Variants in MTSS1 observed in about 807,000 individuals in gnomAD.
MTSS1 encodes MTSS I-BAR domain containing 1, also known as protein MTSS 1.
MTSS1 carries 18 observed loss-of-function variants against 79.0 expected under a neutral mutation model. The observed-to-expected ratio is 0.23, with a 90% CI of 0.16 to 0.34. The LOEUF (loss-of-function observed/expected upper bound fraction) is 0.34. Ranked by LOEUF, MTSS1 falls within the 10% of genes least tolerant of loss-of-function variation. The probability of loss-of-function intolerance (pLI) is 1.00; values close to 1 mark genes in which losing one functional copy is unlikely to be tolerated. For synonymous variants in MTSS1, 341 were observed against 368.6 expected (o/e 0.93, Z 0.86); for missense variants, 815 against 986.2 (o/e 0.83, Z 2.33).
At chr8:124,654,172 A>T (rs1424745532) in intron 3 of MTSS1, among the ~76,000 whole-genome samples, 1 of 152,222 alleles carries the variant, frequency 6.6e-6, no homozygotes. Context: ...CCTCGACTCC[A>T]AAGAAAGGAG....
At chr8:124,558,022 G>A (rs1006970816) in intron 10 of MTSS1, 147 bp from the exon 11 acceptor site, 4 of 649,414 alleles carry the variant, frequency 6.2e-6, no homozygotes, top group East Asian at 2.8e-5. Flanking sequence ...TGCTGCTCAC[G>A]GATGATCTGT....
chr8:124,724,569 T>C (rs1833411593), intron 1 of MTSS1, among the ~76,000 whole-genome samples: 1 of 152,232 alleles, frequency 6.6e-6, no homozygotes. Context: ...AGAAAATATT[T>C]GATTTCAGAC....
chr8:124,608,767 T>C (rs1221879722), intron 3 of MTSS1, among the ~76,000 whole-genome samples: 1 of 152,198 alleles, frequency 6.6e-6, no homozygotes, highest in Non-Finnish European at 1.5e-5. Flanking sequence ...TGGAGGGTGC[T>C]GTGGGCAGCT....
intron 3 of MTSS1, among the ~76,000 whole-genome samples, chr8:124,620,188 C>T (rs904117966): frequency 2.0e-5 from 3 of 152,018 alleles, no homozygotes; most frequent in Middle Eastern, 3.2e-3. Flanking sequence ...TCAGGTGACC[C>T]GCCCGCCTCA....
rs757684249 is a variant in MTSS1 at position 124,557,704 on chromosome 8, A to G, written c.1207T>C (p.Ser403Pro). 22 of 1,587,198 alleles carry G rather than the reference A, an allele frequency of 1.4e-5. No homozygotes were observed. In the South Asian group the frequency reaches 2.3e-4, roughly 17 times the overall value. Residue 403 changes from serine to proline, a missense_variant, in exon 11 of 14, where the codon TCA (serine) becomes CCA (proline). This residue lies in a region of MTSS1 where 590 missense variants were observed against 620.8 expected (regional missense o/e 0.95). Coordinates refer to ENST00000518547, the MANE Select transcript of MTSS1 (RefSeq NM_014751.6). ...ACCTTCCAGCTAGGGATCTGAGATG[A>G]CGGGAACATGCCGGGCCCAATGGTG... ...YYTIGPGMFP[S>P]SQIPSWKDWA...
intron 3 of MTSS1, among the ~76,000 whole-genome samples, chr8:124,622,066 G>C (rs2382634): frequency 1.3e-5 from 1 of 79,048 alleles, no homozygotes; most frequent in South Asian, 3.5e-4. Flanking sequence ...GAGAAAGAGA[G>C]AGAGAGAGAG....
At chr8:124,675,702 C>T (rs1047457681) in intron 3 of MTSS1, among the ~76,000 whole-genome samples, 8 of 152,214 alleles carry the variant, frequency 5.3e-5, no homozygotes, top group African/African-American at 1.9e-4. Flanking sequence ...TGCTTCCTAT[C>T]TCTATGGATT....
rs575373211 is a variant in MTSS1, at chr8:124,716,643, A to AT, written c.72+11240dup. On this transcript the variant is annotated intron_variant, in intron 1 of 13. Transcript: ENST00000518547. ...CCTGGGATGGAGCCAGGGAATCTGC[A>AT]TTTTAACCCATTCTCCAGGGACACT... 3.3e-5 allele frequency among the ~76,000 whole-genome samples: 5 copies of AT among 152,324 alleles called. No individual in the cohort carries two copies. In the South Asian group the frequency reaches 1.0e-3, roughly 32 times the overall value.
In MTSS1 at chr8:124,688,699, C is replaced by T. The variant is rs114445584; in HGVS notation, c.208+10827G>A. Reference sequence around the variant, plus strand: ...AACAATCACCGGCTGAGAGACAGAACAGAGATTTTTTTCACAACCTATGCT... The same window carrying T: ...AACAATCACCGGCTGAGAGACAGAATAGAGATTTTTTTCACAACCTATGCT... On this transcript the variant is annotated intron_variant, in intron 3 of 13. Coordinates refer to ENST00000518547, the MANE Select transcript of MTSS1 (RefSeq NM_014751.6). Among the ~76,000 whole-genome samples the T allele has an allele frequency of 3.7e-3, 566 of 152,258 alleles. 1 individual carries two copies. The highest frequency in any genetic ancestry group is 0.013 in the African/African-American group (525 of 41,536).
intron 3 of MTSS1, chr8:124,699,251 C>T (rs1364013344): frequency 5.0e-6 from 2 of 398,766 alleles, no homozygotes; most frequent in Non-Finnish European, 9.0e-6. Flanking sequence ...ACAACCAGCA[C>T]GTCATTAAAG....
intron 13 of MTSS1, among the ~76,000 whole-genome samples, chr8:124,554,581 T>G (rs1026438641): frequency 3.9e-5 from 6 of 152,198 alleles, no homozygotes; most frequent in African/African-American, 1.4e-4. Flanking sequence ...CTTGCCTGAC[T>G]TGTGTGTGCA....
At chr8:124,711,609 G>A (rs374034676) in intron 1 of MTSS1, among the ~76,000 whole-genome samples, 1 of 152,144 alleles carries the variant, frequency 6.6e-6, no homozygotes, top group African/African-American at 2.4e-5. Flanking sequence ...GAGCAGAAGA[G>A]GACAAGGGTG....
chr8:124,655,805 G>A (rs79033392), intron 3 of MTSS1, among the ~76,000 whole-genome samples: 4,624 of 152,210 alleles, frequency 0.03, 246 homozygotes, highest in African/African-American at 0.1. Context: ...GGTCCTTGAA[G>A]CATCAGACAG....
intron 1 of MTSS1, among the ~76,000 whole-genome samples, chr8:124,716,413 G>A (rs1256344130): frequency 3.9e-5 from 6 of 152,202 alleles, no homozygotes; most frequent in Admixed American, 1.3e-4. Flanking sequence ...TGGTGGAGTC[G>A]GGGATGGGGA....
At chr8:124,702,222 GT>G (rs1323098245) in intron 2 of MTSS1, among the ~76,000 whole-genome samples, 1 of 152,200 alleles carries the variant, frequency 6.6e-6, no homozygotes, top group Admixed American at 6.5e-5. Flanking sequence ...GTACTTAAAT[GT>G]TTTACTGTAT....
At chr8:124,620,760 A>G (rs1813339068) in intron 3 of MTSS1, among the ~76,000 whole-genome samples, 1 of 152,254 alleles carries the variant, frequency 6.6e-6, no homozygotes, top group Non-Finnish European at 1.5e-5. Flanking sequence ...AACACTGAGA[A>G]GAGGAAGAAA....
At chr8:124,679,516 C>T (rs972567578) in intron 3 of MTSS1, among the ~76,000 whole-genome samples, 13 of 152,212 alleles carry the variant, frequency 8.5e-5, no homozygotes, top group African/African-American at 2.7e-4. Context: ...GGTGCATGCA[C>T]GGTCTTCCAT....
rs138661461 is a variant in MTSS1 at position 124,553,319 on chromosome 8, C to T, written c.1941G>A (p.Ser647=). ...PEERGEHSPE[S]PSVGEGPQGV... is the part of the protein sequence containing the mutation. ...CTTGGGGGCCCTCACCCACAGATGG[C>T]GACTCAGGGCTGTGCTCCCCCCGCT... The change falls in exon 14 of 14, where the codon TCG becomes TCA. Residue 647 remains serine, a synonymous_variant. Coordinates refer to ENST00000518547, the MANE Select transcript of MTSS1 (RefSeq NM_014751.6). The surrounding 1 kb of genome is among the most constrained non-coding windows in gnomAD (Gnocchi z 6.0). 9.9e-6 allele frequency: 16 copies of T among 1,613,804 alleles called. No homozygotes were observed. Among genetic ancestry groups the T allele is most frequent in the East Asian group, 4.5e-5 (2 of 44,882 alleles).
intron 6 of MTSS1, chr8:124,580,729 C>G (rs547161751): frequency 1.5e-6 from 1 of 662,086 alleles, no homozygotes; most frequent in East Asian, 2.9e-5. Flanking sequence ...ATTAAACCCA[C>G]ATCCACATTC....
Sources: gnomAD v4.1 joint callset for allele counts (sites outside exome capture counted in the v4.1 genomes callset) on GRCh38, gnomAD v4.1.1 for gene constraint, gnomAD v4.1.1 regional missense constraint, Gnocchi (gnomAD v3.1) non-coding constraint, MANE v1.5 for transcripts, NCBI Gene and HGNC (gene_info 2026-07-23, HGNC 2026-07-21) for gene names.